Variants in NUBP1 observed in about 807,000 individuals in gnomAD.
NUBP1 encodes NUBP iron-sulfur cluster assembly factor 1, cytosolic, also known as cytosolic Fe-S cluster assembly factor NUBP1.
NUBP1 carries 46 observed loss-of-function variants against 41.8 expected under a neutral mutation model. That is an observed-to-expected ratio of 1.10 (90% confidence interval 0.87 to 1.41). The LOEUF (loss-of-function observed/expected upper bound fraction) is 1.41, where lower values mean the gene tolerates loss of function less well. NUBP1 is among the 40% of genes most tolerant of loss of function. NUBP1 has a pLI of 0.00. For synonymous variants in NUBP1, 189 were observed against 154.6 expected (o/e 1.22, Z -1.65); for missense variants, 494 against 414.0 (o/e 1.19, Z -1.68).
chr16:10,743,910 C>T (rs1216597119), intron 1 of NUBP1, 28 bp downstream of exon 1: 5 of 1,573,446 alleles, frequency 3.2e-6, no homozygotes, highest in Non-Finnish European at 4.3e-6. Context: ...GCGTGGGTCG[C>T]GGGGCGAAAG....
chr16:10,768,945 G>A lies in NUBP1; in HGVS notation c.905-102G>A, dbSNP rs143629086. The stretch of plus-strand genomic sequence containing the variant: ...AGGTCTTTTTATGGAACTAGCCAGA[G>A]GATTCCACCCCTGTCAAAACACAGC... On this transcript the variant is annotated intron_variant, in intron 10 of 10. Transcript: ENST00000283027. The surrounding 1 kb of genome is among the most constrained non-coding windows in gnomAD (Gnocchi z 4.3). The A allele has an allele frequency of 7.9e-4, 795 of 1,012,710 alleles. 3 individuals carry two copies. The highest frequency in any genetic ancestry group is 6.2e-5 in the Non-Finnish European group (40 of 649,716). 62.7% of individuals were successfully genotyped at this position (1,012,710 alleles called of 1,614,324 possible).
At position 10,768,230 on chromosome 16, in the gene NUBP1, A is replaced by G; in HGVS notation, c.904+198A>G. 1 of 433,264 alleles carries G rather than the reference A, an allele frequency of 2.3e-6. No homozygotes were observed. The highest frequency in any genetic ancestry group is 4.1e-6 in the Non-Finnish European group (1 of 242,806). The allele number at this position is 433,264 out of a possible 1,614,324, so 26.8% of individuals were successfully genotyped here. On this transcript the variant is annotated intron_variant, in intron 10 of 10. Coordinates refer to ENST00000283027, the MANE Select transcript of NUBP1 (RefSeq NM_002484.4). This position sits in a 1 kb window ranked among gnomAD's most constrained non-coding sequence, Gnocchi z 4.3. ...TGAATTAATTCATAGTTTAAAAAAC[A>G]TGGTGAGGGTGAAATTTATGGCTTA...
Position 10,759,414 on chromosome 16 carries a change from G to A in NUBP1, c.606+1387G>A, listed in dbSNP as rs1900790041. ...CCCTGGACAGGAGGGAGGATGGCCT[G>A]GCCCGGGTGATGGCAGTGGAGAGAA... On this transcript the variant is annotated intron_variant, in intron 7 of 10. Transcript: ENST00000283027. The surrounding 1 kb of genome is among the most constrained non-coding windows in gnomAD (Gnocchi z 4.7). 6.6e-6 allele frequency among the ~76,000 whole-genome samples: 1 copy of A among 152,234 alleles called. No homozygotes were observed. The highest frequency in any genetic ancestry group is 1.5e-5 in the Non-Finnish European group (1 of 68,044).
intron 4 of NUBP1, among the ~76,000 whole-genome samples, chr16:10,753,884 G>T (rs1900435079): frequency 6.6e-6 from 1 of 152,276 alleles, no homozygotes; most frequent in East Asian, 1.9e-4. Flanking sequence ...GACCAGAGGG[G>T]CTGGAGGGTG....
chr16:10,760,454 G>C (rs1475879540), intron 7 of NUBP1, among the ~76,000 whole-genome samples: 1 of 152,218 alleles, frequency 6.6e-6, no homozygotes, highest in Admixed American at 6.5e-5. Context: ...TGCGTTAAAA[G>C]GTCATTTTCA....
In NUBP1 at chr16:10,749,270, T is replaced by C. The variant is rs1170953875; in HGVS notation, c.258+1994T>C. On this transcript the variant is annotated intron_variant, in intron 3 of 10. Transcript: ENST00000283027. The surrounding 1 kb of genome is among the most constrained non-coding windows in gnomAD (Gnocchi z 4.1). Reference sequence around the variant, plus strand: ...CCAAGAAATCTGCTTTCTCAGATTGTCTGTATCGTTTAGAAGAATCTTTGC... The same window carrying C: ...CCAAGAAATCTGCTTTCTCAGATTGCCTGTATCGTTTAGAAGAATCTTTGC... Among the ~76,000 whole-genome samples, 1 of 152,148 alleles carries C rather than the reference T, an allele frequency of 6.6e-6. No homozygotes were observed. The highest frequency in any genetic ancestry group is 2.4e-5 in the African/African-American group (1 of 41,404).
Position 10,769,167 on chromosome 16 carries a change from A to C in NUBP1, c.*62A>C, listed in dbSNP as rs1399001019. The C allele has an allele frequency of 7.9e-6, 12 of 1,517,866 alleles. No homozygotes were observed. Among genetic ancestry groups the C allele is most frequent in the Non-Finnish European group, 1.0e-5 (11 of 1,094,008 alleles). The allele number at this position is 1,517,866 out of a possible 1,614,324, so 94.0% of individuals were successfully genotyped here. ...GAGGCACTCACTGGGCAGCACATCC[A>C]GCCAGACCCGACCAGCTCCGGGATG... On this transcript the variant is annotated 3_prime_UTR_variant, in exon 11 of 11. Coordinates refer to ENST00000283027, the MANE Select transcript of NUBP1 (RefSeq NM_002484.4).
intron 9 of NUBP1, among the ~76,000 whole-genome samples, chr16:10,764,463 G>A (rs1279322649): frequency 2.0e-5 from 3 of 151,590 alleles, no homozygotes; most frequent in Non-Finnish European, 4.4e-5. Context: ...GAGCATCTCA[G>A]TCTGCTGGAG....
intron 5 of NUBP1, among the ~76,000 whole-genome samples, 186 bp from the exon 6 acceptor site, chr16:10,756,504 T>C (rs1900564916): frequency 1.3e-5 from 2 of 151,426 alleles, no homozygotes; most frequent in South Asian, 2.1e-4. Context: ...TCCCCCAACA[T>C]GGTACCCTTT....
rs1900099442 is a variant in NUBP1 at position 10,747,147 on chromosome 16, A to G, written c.129A>G (p.Ile43Met). 1.2e-6 allele frequency: 2 copies of G among 1,614,072 alleles called. No individual in the cohort carries two copies. Among genetic ancestry groups the G allele is most frequent in the African/African-American group, 2.7e-5 (2 of 75,042 alleles). The change falls in exon 3 of 11, where the codon ATA (isoleucine) becomes ATG (methionine). Residue 43 changes from isoleucine to methionine, a missense_variant. By Grantham distance (10) the Ile-to-Met change is conservative. Transcript: ENST00000283027. ...GAACTTTGGTTTTCTTTGCAGCTAT[A>G]GAGGAAATCAAAGAGAAAATGAAGA... is the stretch of plus-strand genomic sequence containing the variant. ...SGAGATPDTA[I>M]EEIKEKMKTV...
intron 4 of NUBP1, among the ~76,000 whole-genome samples, chr16:10,753,710 G>A (rs1184942085): frequency 3.9e-5 from 6 of 152,118 alleles, no homozygotes; most frequent in Non-Finnish European, 7.4e-5. Context: ...ATGGACAGTA[G>A]GGCAGAGTCA....
rs780151385 is a variant in NUBP1 at position 10,752,609 on chromosome 16, G to T, written c.259-1G>T. The T allele has an allele frequency of 2.5e-6, 4 of 1,613,320 alleles. No individual in the cohort carries two copies. In the Admixed American group the frequency reaches 5.0e-5, roughly 20 times the overall value. ...CCGCTTTGGTCTCTTCTTGTCCCCA[G>T]ATTGCTCTTCTAGACATCGATATAT... On this transcript the variant is annotated splice_acceptor_variant, in intron 3 of 10. Coordinates refer to ENST00000283027, the MANE Select transcript of NUBP1 (RefSeq NM_002484.4). LOFTEE classifies it high-confidence loss of function.
chr16:10,752,944 G>A (rs538431502), intron 4 of NUBP1, among the ~76,000 whole-genome samples: 21 of 152,254 alleles, frequency 1.4e-4, no homozygotes, highest in African/African-American at 4.8e-4. Flanking sequence ...ACAGTGGTGT[G>A]CCATCATGCC....
chr16:10,748,901 C>T (rs922930393), intron 3 of NUBP1, among the ~76,000 whole-genome samples: 1 of 151,816 alleles, frequency 6.6e-6, no homozygotes, highest in East Asian at 1.9e-4. Context: ...ACCAGCCTGG[C>T]CAACATGGTG....
intron 3 of NUBP1, among the ~76,000 whole-genome samples, chr16:10,748,684 G>C (rs1372283067): frequency 6.6e-6 from 1 of 152,190 alleles, no homozygotes; most frequent in Non-Finnish European, 1.5e-5. Flanking sequence ...GTCTGTGATG[G>C]CCACCATTTT....
intron 7 of NUBP1, 107 bp from the exon 8 acceptor site, chr16:10,761,257 G>A (rs1172097841): frequency 5.9e-6 from 6 of 1,009,738 alleles, no homozygotes; most frequent in Middle Eastern, 2.2e-4. Context: ...AAACCTCTAA[G>A]GCTTTATGAT....
rs2142745728 is a variant in NUBP1 at position 10,761,033 on chromosome 16, G to C, written c.607-331G>C. 1.3e-5 allele frequency: 3 copies of C among 233,114 alleles called. No individual in the cohort carries two copies. The South Asian group carries it at 1.8e-4, about 14-fold the overall frequency. 14.4% of individuals were successfully genotyped at this position (233,114 alleles called of 1,614,324 possible). ...ACATGTTACACAGTGGCAGCAGTGA[G>C]AGAGAGAGTGTGTAGGAGGAACTGT... is the stretch of plus-strand genomic sequence containing the variant. On this transcript the variant is annotated intron_variant, in intron 7 of 10. Coordinates refer to ENST00000283027, the MANE Select transcript of NUBP1 (RefSeq NM_002484.4).
intron 7 of NUBP1, among the ~76,000 whole-genome samples, chr16:10,760,065 A>G (rs1174103623): frequency 1.3e-5 from 2 of 152,274 alleles, no homozygotes; most frequent in African/African-American, 4.8e-5. Context: ...ATACACAGTA[A>G]TCACATTGGA....
rs2031032709 is a variant in NUBP1 at position 10,767,314 on chromosome 16, G to C, written c.821-635G>C. On this transcript the variant is annotated intron_variant, in intron 9 of 10. Coordinates refer to ENST00000283027, the MANE Select transcript of NUBP1 (RefSeq NM_002484.4). This position sits in a 1 kb window ranked among gnomAD's most constrained non-coding sequence, Gnocchi z 4.6. ...TCCTAGAGAAACCTGGGTGTGCATA[G>C]GAGGGGACTGGAACAATGGCCACAT... is the stretch of plus-strand genomic sequence containing the variant. 2.5e-6 allele frequency: 1 copy of C among 399,558 alleles called. No individual in the cohort carries two copies. The highest frequency in any genetic ancestry group is 3.6e-5 in the East Asian group (1 of 28,106). The allele number at this position is 399,558 out of a possible 1,614,324, so 24.8% of individuals were successfully genotyped here.
Sources: gnomAD v4.1 joint callset for allele counts (sites outside exome capture counted in the v4.1 genomes callset) on GRCh38, gnomAD v4.1.1 for gene constraint, Gnocchi (gnomAD v3.1) non-coding constraint, MANE v1.5 for transcripts, NCBI Gene and HGNC (gene_info 2026-07-23, HGNC 2026-07-21) for gene names.